DNAJC5: variants seen among roughly 807,000 people sequenced by gnomAD.
DNAJC5 encodes the protein DnaJ heat shock protein family (Hsp40) member C5.
DNAJC5 carries 1 observed loss-of-function variant against 23.2 expected under a neutral mutation model. That is an observed-to-expected ratio of 0.04 (90% CI 0.02 to 0.20). The LOEUF (loss-of-function observed/expected upper bound fraction) is 0.20. Ranked by LOEUF, DNAJC5 falls within the 10% of genes least tolerant of loss-of-function variation. The probability of loss-of-function intolerance (pLI) is 1.00; values close to 1 mark genes in which losing one functional copy is unlikely to be tolerated. For synonymous variants in DNAJC5, 136 were observed against 120.0 expected, an observed-to-expected ratio of 1.13 and a Z score of -0.87; for missense variants, 180 against 267.0, an observed-to-expected ratio of 0.67 and a Z score of 2.27.
chr20:63,928,289 CT>C lies in DNAJC5; in HGVS notation c.-11-43del. ...AAGTCCATCAGCTCTGCCCTTGGTA[CT>C]TTCATCTATACTTTGTGATACTTTC... is the stretch of plus-strand genomic sequence containing the variant. On this transcript the variant is annotated intron_variant, in intron 1 of 4. Coordinates refer to ENST00000360864, the MANE Select transcript of DNAJC5 (RefSeq NM_025219.3). This position sits in a 1 kb window ranked among gnomAD's most constrained non-coding sequence, Gnocchi z 4.6. 6.6e-7 allele frequency: 1 copy of C among 1,506,946 alleles called. No homozygotes were observed. The highest frequency in any genetic ancestry group is 9.2e-7 in the Non-Finnish European group (1 of 1,088,396). The allele number at this position is 1,506,946 out of a possible 1,614,324, so 93.3% of individuals were successfully genotyped here.
chr20:63,926,400 T>C (rs571799801), intron 1 of DNAJC5, among the ~76,000 whole-genome samples: 1 of 152,366 alleles, frequency 6.6e-6, no homozygotes, highest in South Asian at 2.1e-4. Context: ...CTGTTCCTTA[T>C]GATTTCCTTG....
chr20:63,924,719 C>A (rs891978088), intron 1 of DNAJC5, among the ~76,000 whole-genome samples: 1 of 152,206 alleles, frequency 6.6e-6, no homozygotes, highest in Non-Finnish European at 1.5e-5. Context: ...TGCAGTGGTG[C>A]GTGCCTGTAG....
At position 63,931,865 on chromosome 20, in the gene DNAJC5, A is replaced by G; in HGVS notation, c.*297A>G. ...TCCGCGGCATGACCGCGTGAACTGCACGGTGGAGCTGCCTCAGGGCTGTCG... is the reference window on the plus strand; with the variant it reads ...TCCGCGGCATGACCGCGTGAACTGCGCGGTGGAGCTGCCTCAGGGCTGTCG... On this transcript the variant is annotated 3_prime_UTR_variant, in exon 5 of 5. Coordinates refer to ENST00000360864, the MANE Select transcript of DNAJC5 (RefSeq NM_025219.3). This position sits in a 1 kb window ranked among gnomAD's most constrained non-coding sequence, Gnocchi z 9.6. The G allele has an allele frequency of 2.3e-6, 1 of 439,974 alleles. No individual in the cohort carries two copies. The highest frequency in any genetic ancestry group is 2.1e-5 in the South Asian group (1 of 48,582). The allele number at this position is 439,974 out of a possible 1,614,324, so 27.3% of individuals were successfully genotyped here. A position where few individuals can be genotyped will look rare whatever the true frequency, so the allele number is the denominator to read the frequency against.
intron 1 of DNAJC5, among the ~76,000 whole-genome samples, chr20:63,926,039 A>G (rs558269886): frequency 6.6e-5 from 10 of 152,116 alleles, no homozygotes; most frequent in East Asian, 1.9e-4. Context: ...TGTGTTAGCC[A>G]GGATGGTCTC....
chr20:63,900,517 C>A (rs1313319336), intron 1 of DNAJC5, among the ~76,000 whole-genome samples: 1 of 138,768 alleles, frequency 7.2e-6, no homozygotes, highest in Non-Finnish European at 1.5e-5. Flanking sequence ...GCTGAGGCTG[C>A]AGCAAGCCAT....
intron 1 of DNAJC5, among the ~76,000 whole-genome samples, chr20:63,910,821 C>T (rs960934895): frequency 4.6e-5 from 7 of 151,876 alleles, no homozygotes; most frequent in African/African-American, 1.7e-4. Context: ...TACAGGTGCC[C>T]GCCACCACAC....
chr20:63,909,296 G>A (rs2053466903), intron 1 of DNAJC5, among the ~76,000 whole-genome samples: 1 of 151,268 alleles, frequency 6.6e-6, no homozygotes, highest in Admixed American at 6.6e-5. Flanking sequence ...TCAGGAGATC[G>A]ATACATCCTG....
intron 1 of DNAJC5, among the ~76,000 whole-genome samples, chr20:63,912,811 G>A (rs2053490512): frequency 6.6e-6 from 1 of 152,104 alleles, no homozygotes; most frequent in African/African-American, 2.4e-5. Flanking sequence ...GTTTCACCAT[G>A]TTGGCCAGGA....
rs886056952 is a variant in DNAJC5, at chr20:63,935,066, GTGTC to G, written c.*3502_*3505del. On this transcript the variant is annotated 3_prime_UTR_variant, in exon 5 of 5. Transcript: ENST00000360864. The stretch of plus-strand genomic sequence containing the variant: ...AACCCCTGTGGCGCAGGACTGGCCT[GTGTC>G]TGTTATTTTGGTTGTAAATCATTCT... 3.9e-5 allele frequency: 6 copies of G among 152,238 alleles called. No individual in the cohort carries two copies. Among genetic ancestry groups the G allele is most frequent in the Non-Finnish European group, 8.8e-5 (6 of 68,052 alleles). 9.4% of individuals were successfully genotyped at this position (152,238 alleles called of 1,614,324 possible).
At position 63,931,445 on chromosome 20, in the gene DNAJC5, CCT is replaced by C; in HGVS notation, c.494-19_494-18del. ...CCAGGCTGTGGCCCTCGTGCAGTGC[CCT>C]GTGTGCTTGCTTTTCAGAGGCCACA... is the stretch of plus-strand genomic sequence containing the variant. On this transcript the variant is annotated intron_variant, in intron 4 of 4. Coordinates refer to ENST00000360864, the MANE Select transcript of DNAJC5 (RefSeq NM_025219.3). The surrounding 1 kb of genome is among the most constrained non-coding windows in gnomAD (Gnocchi z 9.6). 2 of 1,540,932 alleles carry C rather than the reference CCT, an allele frequency of 1.3e-6. No homozygotes were observed. The highest frequency in any genetic ancestry group is 2.7e-5 in the African/African-American group (2 of 73,230).
intron 1 of DNAJC5, among the ~76,000 whole-genome samples, chr20:63,915,535 C>T (rs2053510620): frequency 6.6e-6 from 1 of 152,104 alleles, no homozygotes; most frequent in Non-Finnish European, 1.5e-5. Flanking sequence ...GGGTCGGTGT[C>T]CTGGATATGT....
rs551929387 is a variant in DNAJC5, at chr20:63,922,179, C to G, written c.-11-6156C>G. On this transcript the variant is annotated intron_variant, in intron 1 of 4. Coordinates refer to ENST00000360864, the MANE Select transcript of DNAJC5 (RefSeq NM_025219.3). ...GGACTCATTACCCCAAGGAAATAGG[C>G]AGTCCAGGTTGGTGGCTCACGCCTG... Among the ~76,000 whole-genome samples the G allele has an allele frequency of 1.1e-4, 17 of 152,160 alleles. No individual in the cohort carries two copies. In the East Asian group the frequency reaches 3.3e-3, roughly 30 times the overall value.
intron 1 of DNAJC5, among the ~76,000 whole-genome samples, chr20:63,917,681 G>C (rs2053524345): frequency 6.6e-6 from 1 of 152,008 alleles, no homozygotes; most frequent in Non-Finnish European, 1.5e-5. Flanking sequence ...TCAGCCTCCT[G>C]AGTAGCTGGG....
At chr20:63,925,073 CGCCTGTG>C (rs1568986797) in intron 1 of DNAJC5, among the ~76,000 whole-genome samples, 26 of 152,148 alleles carry the variant, frequency 1.7e-4, no homozygotes, top group Non-Finnish European at 1.8e-4. Flanking sequence ...CAGGAAAGTC[CGCCTGTG>C]TGGCTGGGTC....
intron 1 of DNAJC5, among the ~76,000 whole-genome samples, chr20:63,911,474 C>T (rs896162557): frequency 1.3e-5 from 2 of 152,164 alleles, no homozygotes; most frequent in South Asian, 2.1e-4. Flanking sequence ...CTCCCTGGCT[C>T]GGCCGGGCGC....
intron 1 of DNAJC5, among the ~76,000 whole-genome samples, chr20:63,925,562 C>T (rs539893973): frequency 6.6e-6 from 1 of 151,792 alleles, no homozygotes; most frequent in Admixed American, 6.6e-5. Context: ...GTGTGGCAAA[C>T]AGGAAGGCAA....
rs1276750553 is a variant in DNAJC5, at chr20:63,929,128, G to A, written c.108-184G>A. ...TGGGTCAGGGTGAGGAGGTTTACCTGAAACAACCGCGGAGCTTGCTTTTGT... is the reference window on the plus strand; with the variant it reads ...TGGGTCAGGGTGAGGAGGTTTACCTAAAACAACCGCGGAGCTTGCTTTTGT... On this transcript the variant is annotated intron_variant, in intron 2 of 4. Transcript: ENST00000360864. This position sits in a 1 kb window ranked among gnomAD's most constrained non-coding sequence, Gnocchi z 8.6. Among the ~76,000 whole-genome samples, 4 of 152,182 alleles carry A rather than the reference G, an allele frequency of 2.6e-5. No individual in the cohort carries two copies. The highest frequency in any genetic ancestry group is 9.7e-5 in the African/African-American group (4 of 41,448).
intron 1 of DNAJC5, among the ~76,000 whole-genome samples, chr20:63,911,242 G>A (rs2053481097): frequency 6.6e-6 from 1 of 152,186 alleles, no homozygotes; most frequent in African/African-American, 2.4e-5. Flanking sequence ...CATACCTTTG[G>A]AATGGTTTTA....
intron 1 of DNAJC5, among the ~76,000 whole-genome samples, chr20:63,922,961 C>T (rs952700901): frequency 4.6e-5 from 7 of 151,166 alleles, no homozygotes; most frequent in Non-Finnish European, 1.0e-4. Context: ...GCCAACATGG[C>T]AAAACCCAAT....
Sources: allele counts gnomAD v4.1 joint callset (sites outside exome capture counted in the v4.1 genomes callset), GRCh38; gene constraint gnomAD v4.1.1; non-coding constraint Gnocchi (gnomAD v3.1); transcripts MANE v1.5; gene names NCBI Gene and HGNC (gene_info 2026-07-23, HGNC 2026-07-21).